DCTN1: variants seen among roughly 807,000 people sequenced by gnomAD.
DCTN1 encodes the protein 150 kDa dynein-associated polypeptide.
DCTN1 carries 61 observed loss-of-function variants against 161.2 expected under a neutral mutation model. The observed-to-expected ratio is 0.38, with a 90% CI of 0.31 to 0.47. The LOEUF (loss-of-function observed/expected upper bound fraction) is 0.47. Among genes scored for constraint, DCTN1 ranks in the 20% least tolerant of loss-of-function variants. The probability of loss-of-function intolerance (pLI) is 0.99; values close to 1 mark genes in which losing one functional copy is unlikely to be tolerated. For missense variants in DCTN1, 1,404 were observed against 1,623.7 expected (o/e 0.86, Z 2.33); for synonymous variants, 653 against 632.4 (o/e 1.03, Z -0.49).
rs1674902665 is a variant in DCTN1, at chr2:74,372,085, T to A, written c.454-357A>T. 1.5e-5 allele frequency: 5 copies of A among 323,378 alleles called. No homozygotes were observed. In the Admixed American group the frequency reaches 2.3e-4, roughly 15 times the overall value. The allele number at this position is 323,378 out of a possible 1,614,324, so 20.0% of individuals were successfully genotyped here. A position where few individuals can be genotyped will look rare whatever the true frequency, so the allele number is the denominator to read the frequency against. Reference sequence around the variant, plus strand: ...AATCCGTTATTCCCTAGAACCCCCATCTATGACCCACTTGTGATCATTCTA... The same window carrying A: ...AATCCGTTATTCCCTAGAACCCCCAACTATGACCCACTTGTGATCATTCTA... On this transcript the variant is annotated intron_variant, in intron 7 of 31. Transcript: ENST00000628224.
chr2:74,389,072 G>A (rs900443817), intron 1 of DCTN1, among the ~76,000 whole-genome samples: 1 of 152,162 alleles, frequency 6.6e-6, no homozygotes, highest in African/African-American at 2.4e-5. Flanking sequence ...CACAGAGACA[G>A]CTCTAGGTGA....
chr2:74,378,476 T>G (rs979775470), intron 1 of DCTN1, among the ~76,000 whole-genome samples: 4 of 152,262 alleles, frequency 2.6e-5, no homozygotes, highest in Non-Finnish European at 5.9e-5. Context: ...TTTAAGTTTA[T>G]ATTTTTTATA....
intron 1 of DCTN1, chr2:74,390,578 C>T (rs1436475964): frequency 2.2e-6 from 1 of 449,052 alleles, no homozygotes; most frequent in Non-Finnish European, 4.7e-6. Flanking sequence ...AGTCCAGACT[C>T]CTACCTTATA....
chr2:74,363,857 A>T, intron 26 of DCTN1: 1 of 634,552 alleles, frequency 1.6e-6, no homozygotes, highest in Admixed American at 2.3e-5. Flanking sequence ...GACAGGGTAC[A>T]ATGTGTGAAG....
At position 74,363,016 on chromosome 2, in the gene DCTN1, T is replaced by G; in HGVS notation, c.3507A>C (p.Val1169=). 6.2e-7 allele frequency: 1 copy of G among 1,613,592 alleles called. No homozygotes were observed. The highest frequency in any genetic ancestry group is 8.5e-7 in the Non-Finnish European group (1 of 1,179,796). The change falls in exon 29 of 32, where the codon GTA becomes GTC. Residue 1169 remains valine (V), a synonymous_variant. Transcript: ENST00000628224. The part of the protein sequence containing the change: ...LNQLSTHTHV[V]DITRTSPAAK... ...TACCAGGGCTGGTGCGAGTGATGTC[T>G]ACTACGTGCGTGTGTGTGCTCAATT...
At position 74,371,708 on chromosome 2, in the gene DCTN1, A is replaced by C; in HGVS notation, c.474T>G (p.Thr158=). Residue 158 remains threonine, a synonymous_variant, in exon 8 of 32, where the codon ACT becomes ACG. Transcript: ENST00000628224. ...RRPKPTRPAS[T]GVAGASSSLG... ...GGGAGCTACTGGCCCCAGCCACCCC[A>C]GTACTGGCTGGGCGCGTGGGCTATT... 1 of 1,608,864 alleles carries C rather than the reference A, an allele frequency of 6.2e-7. No homozygotes were observed. The highest frequency in any genetic ancestry group is 8.5e-7 in the Non-Finnish European group (1 of 1,178,508).
chr2:74,367,219 C>CT, intron 19 of DCTN1, 112 bp from the exon 20 acceptor site: 1 of 1,530,634 alleles, frequency 6.5e-7, no homozygotes. Context: ...AGTAGGTCCT[C>CT]TAGTTTCCCT....
chr2:74,391,835 A>G (rs1558957917), exon 1 of DCTN1: 3 of 453,692 alleles, frequency 6.6e-6, no homozygotes, highest in Admixed American at 2.4e-5. Context: ...GACCCCACCG[A>G]CGACCGACGC....
rs142053202 is a variant in DCTN1, at chr2:74,361,332, G to A, written c.*167C>T. 1.7e-3 allele frequency: 1,631 copies of A among 960,446 alleles called. 3 individuals carry two copies. The highest frequency in any genetic ancestry group is 2.3e-3 in the Non-Finnish European group (1,445 of 622,880). The allele number at this position is 960,446 out of a possible 1,614,324, so 59.5% of individuals were successfully genotyped here. A position where few individuals can be genotyped will look rare whatever the true frequency, so the allele number is the denominator to read the frequency against. On this transcript the variant is annotated 3_prime_UTR_variant, in exon 32 of 32. Transcript: ENST00000628224. ...CCAGGGAATGGGAGTGGGGGAACCC[G>A]GGTCAAGGTGAAGGGGCAGGACGCT...
rs1674751511 is a variant in DCTN1 at position 74,370,408 on chromosome 2, C to CTCGCG, written c.1127+57_1127+58insCGCGA. ...GTGTCAGAGTCTCTGGCGATGGGTG[C>CTCGCG]TCTAACACATTTGGAGACACAAGAG... On this transcript the variant is annotated intron_variant, in intron 11 of 31. Coordinates refer to ENST00000628224, the MANE Select transcript of DCTN1 (RefSeq NM_004082.5). This position sits in a 1 kb window ranked among gnomAD's most constrained non-coding sequence, Gnocchi z 4.4. 6.2e-7 allele frequency: 1 copy of CTCGCG among 1,613,892 alleles called. No individual in the cohort carries two copies. The highest frequency in any genetic ancestry group is 8.5e-7 in the Non-Finnish European group (1 of 1,179,954).
intron 18 of DCTN1, 104 bp from the exon 19 acceptor site, chr2:74,367,524 C>T (rs778374718): frequency 3.3e-6 from 5 of 1,494,100 alleles, no homozygotes; most frequent in Non-Finnish European, 4.6e-6. Context: ...TCTGGAGGTA[C>T]AAGAGAATCC....
chr2:74,366,102 C>T (rs1414564780), intron 23 of DCTN1, 84 bp from the exon 24 acceptor site: 57 of 1,612,428 alleles, frequency 3.5e-5, no homozygotes, highest in Non-Finnish European at 4.8e-5. Flanking sequence ...GATCCAGTTA[C>T]AGGGAAAACC....
rs1052123390 is a variant in DCTN1, at chr2:74,380,231, G to A, written c.-194C>T. On this transcript the variant is annotated 5_prime_UTR_variant, in exon 1 of 32. Coordinates refer to ENST00000628224, the MANE Select transcript of DCTN1 (RefSeq NM_004082.5). ...GGGTGGGGGCAGTGATGGGGGCTGAGGAGCAAGTCCCCTCTGCTGCCTGAG... is the reference window on the plus strand; with the variant it reads ...GGGTGGGGGCAGTGATGGGGGCTGAAGAGCAAGTCCCCTCTGCTGCCTGAG... 3 of 663,550 alleles carry A rather than the reference G, an allele frequency of 4.5e-6. No homozygotes were observed. Among genetic ancestry groups the A allele is most frequent in the Admixed American group, 2.2e-5 (1 of 45,960 alleles). 41.1% of individuals were successfully genotyped at this position (663,550 alleles called of 1,614,324 possible). A position where few individuals can be genotyped will look rare whatever the true frequency, so the allele number is the denominator to read the frequency against.
chr2:74,366,482 G>C lies in DCTN1; in HGVS notation c.2605C>G (p.Leu869Val), dbSNP rs148511573. The C allele has an allele frequency of 6.2e-7, 1 of 1,614,102 alleles. No homozygotes were observed. Among genetic ancestry groups the C allele is most frequent in the South Asian group, 1.1e-5 (1 of 91,090 alleles). The change falls in exon 22 of 32, where the codon CTG (leucine) becomes GTG (valine). Residue 869 changes from leucine (L) to valine (V), a missense_variant. Leu to Val is a conservative substitution (Grantham distance 32). Transcript: ENST00000628224. ...ACCTGCTCGCTTGCTTTGAAAGCCA[G>C]TTCCTCCAGAGCAGCCACAAGTAGC... The part of the protein sequence containing the change: ...EGLLVAALEE[L>V]AFKASEQIYG...
chr2:74,377,057 G>C (rs1425051998), intron 4 of DCTN1, among the ~76,000 whole-genome samples: 1 of 152,198 alleles, frequency 6.6e-6, no homozygotes, highest in Non-Finnish European at 1.5e-5. Context: ...ATTCACTTGT[G>C]AATAGGAGAT....
In DCTN1 at chr2:74,377,412, C is replaced by T. The variant is rs760856407; in HGVS notation, c.393+20G>A. On this transcript the variant is annotated intron_variant, in intron 4 of 31. Coordinates refer to ENST00000628224, the MANE Select transcript of DCTN1 (RefSeq NM_004082.5). ...TCCCCTCCCTTTATTATTCCCCATT[C>T]CCACCCCCAAATCACTCACCAGTTT... is the stretch of plus-strand genomic sequence containing the variant. 1.9e-6 allele frequency: 3 copies of T among 1,608,650 alleles called. No homozygotes were observed. The African/African-American group carries it at 4.0e-5, about 22-fold the overall frequency.
At chr2:74,364,576 C>CA (rs1674260268) in intron 26 of DCTN1, 1 of 241,494 alleles carries the variant, frequency 4.1e-6, no homozygotes, top group Non-Finnish European at 8.2e-6. Context: ...AGACAAAGGT[C>CA]AAAACACAAG....
chr2:74,376,980 GAGA>G (rs1165034591), intron 4 of DCTN1, among the ~76,000 whole-genome samples: 2 of 152,212 alleles, frequency 1.3e-5, no homozygotes, highest in South Asian at 4.1e-4. Flanking sequence ...CAGAGTAGCA[GAGA>G]AGAACTAGGA....
chr2:74,383,093 A>AT (rs1199537888), upstream of DCTN1, among the ~76,000 whole-genome samples: 234 of 150,534 alleles, frequency 1.6e-3, 1 homozygote, highest in African/African-American at 5.2e-3. Context: ...AAAAAAAAAA[A>AT]ATAAATAAAT....
Sources: allele counts gnomAD v4.1 joint callset (sites outside exome capture counted in the v4.1 genomes callset), GRCh38; gene constraint gnomAD v4.1.1; non-coding constraint Gnocchi (gnomAD v3.1); transcripts MANE v1.5; gene names NCBI Gene and HGNC (gene_info 2026-07-23, HGNC 2026-07-21).